EPHA5: variants seen among roughly 807,000 people sequenced by gnomAD.
EPHA5 encodes the protein ephrin type-A receptor 5.
A neutral mutation model predicts 105.0 loss-of-function variants in EPHA5; 60 were observed. The observed-to-expected ratio is 0.57, with a 90% CI of 0.46 to 0.71. The LOEUF is 0.71. Ranked by LOEUF, EPHA5 falls within the 30% of genes least tolerant of loss-of-function variation. The probability of loss-of-function intolerance (pLI) is 0.00; values close to 1 mark genes in which losing one functional copy is unlikely to be tolerated. For synonymous variants in EPHA5, 513 were observed against 449.1 expected (o/e 1.14, Z -1.80); for missense variants, 1,218 against 1,274.7 (o/e 0.96, Z 0.68).
chr4:65,322,312 G>A lies in EPHA5; in HGVS notation c.*1802C>T, dbSNP rs2148771525. On this transcript the variant is annotated 3_prime_UTR_variant, in exon 17 of 17. Coordinates refer to ENST00000613740, the MANE Select transcript of EPHA5 (RefSeq NM_001281766.3). The stretch of plus-strand genomic sequence containing the variant: ...AATAGGAAGTAGTTATTTCCCAAAA[G>A]TTTATTCTTATATGTGCTAATATTC... 1 of 224,090 alleles carries A rather than the reference G, an allele frequency of 4.5e-6. No individual in the cohort carries two copies. Among genetic ancestry groups the A allele is most frequent in the African/African-American group, 2.2e-5 (1 of 44,938 alleles). The allele number at this position is 224,090 out of a possible 1,614,324, so 13.9% of individuals were successfully genotyped here.
chr4:65,404,055 T>C (rs7659284), intron 8 of EPHA5, among the ~76,000 whole-genome samples: 35,301 of 152,038 alleles, frequency 0.23, 4,489 homozygotes, highest in African/African-American at 0.33. Context: ...GGCAACCATA[T>C]ACAATTTTGA....
chr4:65,542,653 C>T lies in EPHA5; in HGVS notation c.911-47110G>A, dbSNP rs1218515414. 2.0e-5 allele frequency among the ~76,000 whole-genome samples: 3 copies of T among 152,090 alleles called. No homozygotes were observed. The East Asian group carries it at 5.8e-4, about 29-fold the overall frequency. ...ATTTTACCAGAGGTACAAAGAGGAG[C>T]TGGCACCATTCCTTCAAAAACTATT... is the stretch of plus-strand genomic sequence containing the variant. On this transcript the variant is annotated intron_variant, in intron 3 of 16. Transcript: ENST00000613740.
At chr4:65,540,496 A>C (rs1208288658) in intron 3 of EPHA5, among the ~76,000 whole-genome samples, 1 of 151,410 alleles carries the variant, frequency 6.6e-6, no homozygotes, top group African/African-American at 2.4e-5. Context: ...GACAATCTGA[A>C]AAATTATAGT....
chr4:65,501,808 A>C (rs1381191338), intron 3 of EPHA5, among the ~76,000 whole-genome samples: 1 of 151,838 alleles, frequency 6.6e-6, no homozygotes, highest in African/African-American at 2.4e-5. Flanking sequence ...ATCTTAAGCC[A>C]AAAGGAACAA....
At chr4:65,634,647 T>G (rs954054779) in intron 2 of EPHA5, among the ~76,000 whole-genome samples, 1 of 152,106 alleles carries the variant, frequency 6.6e-6, no homozygotes. Flanking sequence ...TTCTTCATTA[T>G]ATTGGCATTT....
chr4:65,425,489 T>A (rs919459218), intron 5 of EPHA5, among the ~76,000 whole-genome samples: 4 of 152,082 alleles, frequency 2.6e-5, no homozygotes, highest in Non-Finnish European at 5.9e-5. Flanking sequence ...ACTCTGTAGG[T>A]CAAGTTGGGA....
intron 3 of EPHA5, among the ~76,000 whole-genome samples, chr4:65,505,608 A>G (rs1301822450): frequency 6.6e-6 from 1 of 152,122 alleles, no homozygotes; most frequent in African/African-American, 2.4e-5. Context: ...TTCACAAAAT[A>G]TTGAGAAAAT....
intron 2 of EPHA5, among the ~76,000 whole-genome samples, chr4:65,617,272 A>G (rs1745323527): frequency 1.3e-5 from 2 of 151,962 alleles, no homozygotes; most frequent in Non-Finnish European, 2.9e-5. Context: ...CAGTGTACAC[A>G]TTTGTATCCC....
At chr4:65,548,575 A>T (rs1737605604) in intron 3 of EPHA5, among the ~76,000 whole-genome samples, 1 of 152,082 alleles carries the variant, frequency 6.6e-6, no homozygotes, top group African/African-American at 2.4e-5. Flanking sequence ...AAATTGAAGA[A>T]ACTCTGATCC....
At chr4:65,490,290 A>G (rs1343204360) in intron 5 of EPHA5, 87 bp downstream of exon 5, 6 of 1,309,772 alleles carry the variant, frequency 4.6e-6, no homozygotes, top group Admixed American at 4.0e-5. Context: ...ATTCTCACAC[A>G]GATTTCAGTC....
intron 5 of EPHA5, among the ~76,000 whole-genome samples, chr4:65,459,675 T>C (rs1209400241): frequency 6.6e-6 from 1 of 151,844 alleles, no homozygotes; most frequent in Non-Finnish European, 1.5e-5. Flanking sequence ...TTATTAAAGC[T>C]ATTTACCATT....
intron 3 of EPHA5, among the ~76,000 whole-genome samples, chr4:65,599,263 T>C (rs1434468319): frequency 6.6e-6 from 1 of 151,212 alleles, no homozygotes; most frequent in East Asian, 2.0e-4. Context: ...AGAAGGATGA[T>C]TCCAAATCAT....
intron 8 of EPHA5, among the ~76,000 whole-genome samples, chr4:65,386,560 T>C (rs898623669): frequency 2.0e-5 from 3 of 151,912 alleles, no homozygotes; most frequent in Non-Finnish European, 4.4e-5. Context: ...ACAAAATCTT[T>C]CTCTCAAACA....
intron 2 of EPHA5, among the ~76,000 whole-genome samples, chr4:65,624,970 T>A (rs1746006420): frequency 1.3e-5 from 2 of 152,212 alleles, no homozygotes; most frequent in South Asian, 2.1e-4. Flanking sequence ...AAAAGATAAA[T>A]GTATTAAAAA....
chr4:65,330,641 A>G, intron 16 of EPHA5: 1 of 605,752 alleles, frequency 1.7e-6, no homozygotes, highest in Non-Finnish European at 2.1e-6. Context: ...TTTAATATAA[A>G]ATGACAAATG....
Position 65,601,772 on chromosome 4 carries a change from C to G in EPHA5, c.779G>C (p.Gly260Ala), listed in dbSNP as rs2149437743. The G allele has an allele frequency of 6.2e-7, 1 of 1,614,118 alleles. No individual in the cohort carries two copies. Among genetic ancestry groups the G allele is most frequent in the African/African-American group, 1.3e-5 (1 of 75,020 alleles). The change falls in exon 3 of 17, where the codon GGC becomes GCC. Residue 260 changes from glycine to alanine, a missense_variant. Gly to Ala is a moderately conservative substitution (Grantham distance 60). Transcript: ENST00000613740. ...GGTCACAGAATGGTTGACACAGGAG[C>G]CTGACACTTCGAGCAATTGGGAAGA... ...ADSSQLLEVS[G>A]SCVNHSVTDE...
chr4:65,500,058 T>C (rs1732324815), intron 3 of EPHA5, among the ~76,000 whole-genome samples: 2 of 151,210 alleles, frequency 1.3e-5, no homozygotes, highest in African/African-American at 4.8e-5. Context: ...GAACAAACAA[T>C]GATAGAGGCA....
chr4:65,576,742 C>G (rs536205600), intron 3 of EPHA5, among the ~76,000 whole-genome samples: 2 of 152,196 alleles, frequency 1.3e-5, no homozygotes, highest in Non-Finnish European at 2.9e-5. Context: ...ATTTTCCTTA[C>G]TTCCTGCTAT....
At chr4:65,508,373 G>A (rs1377667698) in intron 3 of EPHA5, among the ~76,000 whole-genome samples, 1 of 152,058 alleles carries the variant, frequency 6.6e-6, no homozygotes, top group East Asian at 1.9e-4. Context: ...AGGGACAAAA[G>A]CAACCAACAC....
Sources: allele counts gnomAD v4.1 joint callset (sites outside exome capture counted in the v4.1 genomes callset), GRCh38; gene constraint gnomAD v4.1.1; transcripts MANE v1.5; gene names NCBI Gene and HGNC (gene_info 2026-07-23, HGNC 2026-07-21).